PAX3: variants seen among roughly 807,000 people sequenced by gnomAD.
PAX3 encodes paired box protein Pax-3.
In PAX3, 14 loss-of-function variants were observed where a neutral mutation model predicts 51.6. The ratio of observed to expected loss-of-function variants is 0.27; its 90% CI spans 0.18 to 0.42. The LOEUF (loss-of-function observed/expected upper bound fraction) is 0.42, where lower values mean the gene tolerates loss of function less well. PAX3 is among the 10% of genes least tolerant of loss of function. The probability of loss-of-function intolerance (pLI) is 1.00; values close to 1 mark genes in which losing one functional copy is unlikely to be tolerated. For missense variants in PAX3, 540 were observed against 642.8 expected (o/e 0.84, Z 1.73); for synonymous variants, 280 against 253.4 (o/e 1.11, Z -1.00).
At chr2:222,201,621 A>G in intron 8 of PAX3, 179 bp from the exon 9 acceptor site, 3 of 1,298,618 alleles carry the variant, frequency 2.3e-6, no homozygotes, top group Non-Finnish European at 1.1e-6. Flanking sequence ...TATCCCCCAT[A>G]TGATCCTGGA....
chr2:222,202,795 T>C (rs1271838700), intron 7 of PAX3, among the ~76,000 whole-genome samples: 1 of 151,204 alleles, frequency 6.6e-6, no homozygotes, highest in Non-Finnish European at 1.5e-5. Context: ...TGGTCTCTGG[T>C]ACTTTATTTA....
chr2:222,288,181 G>C (rs1694903152), intron 4 of PAX3, among the ~76,000 whole-genome samples: 1 of 152,206 alleles, frequency 6.6e-6, no homozygotes, highest in South Asian at 2.1e-4. Context: ...GTTTAAAAGA[G>C]TCATAAAATG....
At chr2:222,264,756 T>C (rs1693983487) in intron 4 of PAX3, 1 of 152,246 alleles carries the variant, frequency 6.6e-6, no homozygotes. Context: ...GGCTCTGTTC[T>C]TTCCCAAAAT....
chr2:222,247,870 T>G (rs1043251890), intron 4 of PAX3, among the ~76,000 whole-genome samples: 3 of 152,156 alleles, frequency 2.0e-5, no homozygotes, highest in Non-Finnish European at 4.4e-5. Context: ...TTTTAAATTC[T>G]CACTATATCT....
At chr2:222,295,732 G>A in intron 2 of PAX3, 75 bp from the exon 3 acceptor site, 2 of 1,550,962 alleles carry the variant, frequency 1.3e-6, no homozygotes, top group Non-Finnish European at 1.8e-6. Context: ...CCGCCTCTGG[G>A]CCTGTCGGGA....
intron 7 of PAX3, among the ~76,000 whole-genome samples, chr2:222,208,987 C>G (rs1372742907): frequency 6.6e-6 from 1 of 152,040 alleles, no homozygotes. Flanking sequence ...CTTCACAGTC[C>G]CATTTGAGAC....
intron 4 of PAX3, among the ~76,000 whole-genome samples, chr2:222,243,646 A>G (rs1280691552): frequency 6.6e-6 from 1 of 152,246 alleles, no homozygotes; most frequent in East Asian, 1.9e-4. Context: ...GATCTTTAGT[A>G]TAAAGATCAA....
intron 5 of PAX3, among the ~76,000 whole-genome samples, chr2:222,222,248 A>G (rs1270737000): frequency 6.6e-6 from 1 of 152,114 alleles, no homozygotes; most frequent in Non-Finnish European, 1.5e-5. Context: ...AAGGCCTTTC[A>G]TGGGTCCTGT....
At chr2:222,295,430 G>T in intron 3 of PAX3, 98 bp downstream of exon 3, 1 of 1,428,036 alleles carries the variant, frequency 7.0e-7, no homozygotes, top group Non-Finnish European at 9.9e-7. Context: ...CCTCCCAATA[G>T]CTGAGATCGA....
chr2:222,288,171 G>T (rs548329440), intron 4 of PAX3, among the ~76,000 whole-genome samples: 3 of 152,198 alleles, frequency 2.0e-5, no homozygotes, highest in Non-Finnish European at 4.4e-5. Context: ...AAAATCAACA[G>T]TTTAAAAGAG....
chr2:222,258,300 T>G (rs59971865), intron 4 of PAX3, among the ~76,000 whole-genome samples: 17,467 of 152,236 alleles, frequency 0.11, 1,255 homozygotes, highest in East Asian at 0.33. Context: ...TCATAGCATT[T>G]CTGTGAGGAT....
chr2:222,259,293 T>C (rs1693757912), intron 4 of PAX3, among the ~76,000 whole-genome samples: 1 of 152,226 alleles, frequency 6.6e-6, no homozygotes, highest in South Asian at 2.1e-4. Flanking sequence ...CACTTCCTGA[T>C]ACATTCTGCG....
At chr2:222,229,587 C>A (rs1692510340) in intron 5 of PAX3, among the ~76,000 whole-genome samples, 1 of 152,122 alleles carries the variant, frequency 6.6e-6, no homozygotes, top group African/African-American at 2.4e-5. Flanking sequence ...CTATCTCATG[C>A]CATAGCCCCC....
At chr2:222,233,950 G>GT (rs991632613) in intron 4 of PAX3, among the ~76,000 whole-genome samples, 6 of 152,164 alleles carry the variant, frequency 3.9e-5, no homozygotes, top group African/African-American at 1.4e-4. Context: ...GTGAATATGT[G>GT]TAAGTCCTTT....
chr2:222,284,597 G>A (rs1206181575), intron 4 of PAX3, among the ~76,000 whole-genome samples: 3 of 110,326 alleles, frequency 2.7e-5, no homozygotes, highest in African/African-American at 1.1e-4. Flanking sequence ...GTGGTGTGGG[G>A]TGTGTGTCTG....
chr2:222,233,079 C>CAAAAAA (rs71053063), intron 4 of PAX3: 29 of 67,958 alleles, frequency 4.3e-4, no homozygotes, highest in African/African-American at 6.7e-4. Context: ...AAAGCCAATG[C>CAAAAAA]AAAAAAAAAA....
At chr2:222,211,442 C>G (rs546605563) in intron 7 of PAX3, among the ~76,000 whole-genome samples, 1 of 152,264 alleles carries the variant, frequency 6.6e-6, no homozygotes, top group East Asian at 1.9e-4. Flanking sequence ...GGAATTCTTT[C>G]TTTTCCTTTA....
chr2:222,200,931 G>A lies in PAX3; in HGVS notation c.*477C>T, dbSNP rs1559247962. The A allele has an allele frequency of 1.8e-6, 1 of 561,724 alleles. No individual in the cohort carries two copies. Among genetic ancestry groups the A allele is most frequent in the Non-Finnish European group, 3.2e-6 (1 of 314,160 alleles). 34.8% of individuals were successfully genotyped at this position (561,724 alleles called of 1,614,324 possible). A position where few individuals can be genotyped will look rare whatever the true frequency, so the allele number is the denominator to read the frequency against. ...GCTTCATGAAATGAGCAGTTTTAAA[G>A]TTGTAGAAGTATCAGCATCGAACAT... On this transcript the variant is annotated 3_prime_UTR_variant, in exon 9 of 9. Coordinates refer to ENST00000392070, the MANE Select transcript of PAX3 (RefSeq NM_181458.4).
Position 222,295,522 on chromosome 2 carries a change from T to C in PAX3, c.451+6A>G. On this transcript the variant is annotated splice_donor_region_variant and intron_variant, in intron 3 of 8. Coordinates refer to ENST00000392070, the MANE Select transcript of PAX3 (RefSeq NM_181458.4). ...CGCCTCGGGGAGAGGTTAATGGGCCTAGTACCTGACGGCACGGTGTTTCGA... is the reference window on the plus strand; with the variant it reads ...CGCCTCGGGGAGAGGTTAATGGGCCCAGTACCTGACGGCACGGTGTTTCGA... 1 of 1,614,186 alleles carries C rather than the reference T, an allele frequency of 6.2e-7. No homozygotes were observed. The highest frequency in any genetic ancestry group is 8.5e-7 in the Non-Finnish European group (1 of 1,180,006).
Sources: gnomAD v4.1 joint callset for allele counts (sites outside exome capture counted in the v4.1 genomes callset) on GRCh38, gnomAD v4.1.1 for gene constraint, MANE v1.5 for transcripts, NCBI Gene and HGNC (gene_info 2026-07-23, HGNC 2026-07-21) for gene names.